LRRFIP2: variants seen among roughly 807,000 people sequenced by gnomAD.
The protein encoded by LRRFIP2 is leucine-rich repeat flightless-interacting protein 2.
A neutral mutation model predicts 125.9 loss-of-function variants in LRRFIP2; 109 were observed. The observed-to-expected ratio is 0.87, with a 90% CI of 0.74 to 1.01. LRRFIP2 has a LOEUF of 1.01. LRRFIP2 is among the 50% of genes least tolerant of loss of function. The pLI is 0.00. For synonymous variants in LRRFIP2, 291 were observed against 293.1 expected (o/e 0.99, Z 0.07); for missense variants, 850 against 862.3 (o/e 0.99, Z 0.18).
chr3:37,168,218 A>G (rs2096536570), intron 1 of LRRFIP2, among the ~76,000 whole-genome samples: 1 of 152,220 alleles, frequency 6.6e-6, no homozygotes, highest in Non-Finnish European at 1.5e-5. Context: ...GTGGCACTCA[A>G]ACAGACATTT....
At chr3:37,152,366 G>A (rs1362405716) in intron 1 of LRRFIP2, among the ~76,000 whole-genome samples, 1 of 152,082 alleles carries the variant, frequency 6.6e-6, no homozygotes, top group East Asian at 1.9e-4. Context: ...GGTGACAGGT[G>A]CACTAAAATC....
chr3:37,111,487 A>C (rs2094542207), intron 8 of LRRFIP2, among the ~76,000 whole-genome samples: 1 of 152,242 alleles, frequency 6.6e-6, no homozygotes. Flanking sequence ...TGACAAATTA[A>C]GTTACCAAAA....
chr3:37,131,546 A>G (rs180856132), intron 2 of LRRFIP2, among the ~76,000 whole-genome samples: 1 of 152,318 alleles, frequency 6.6e-6, no homozygotes, highest in African/African-American at 2.4e-5. Flanking sequence ...TGCTTTCTAT[A>G]TGGTAGTGGA....
intron 1 of LRRFIP2, among the ~76,000 whole-genome samples, chr3:37,155,928 G>A (rs1017457510): frequency 2.0e-5 from 3 of 152,142 alleles, no homozygotes; most frequent in African/African-American, 7.2e-5. Flanking sequence ...AGGCTGGAGT[G>A]CAATAGTGCG....
intron 19 of LRRFIP2, among the ~76,000 whole-genome samples, chr3:37,076,047 A>G (rs567304734): frequency 2.0e-5 from 3 of 152,304 alleles, no homozygotes; most frequent in African/African-American, 7.2e-5. Context: ...ACAAATTCCA[A>G]ATCAATCAGA....
chr3:37,101,595 G>A (rs939943113), intron 15 of LRRFIP2, among the ~76,000 whole-genome samples: 2 of 150,048 alleles, frequency 1.3e-5, no homozygotes, highest in Non-Finnish European at 3.0e-5. Context: ...AGCCCAGGAG[G>A]TTGAAGTTGC....
chr3:37,076,725 G>C (rs1285081414), intron 19 of LRRFIP2, among the ~76,000 whole-genome samples: 1 of 151,984 alleles, frequency 6.6e-6, no homozygotes, highest in East Asian at 1.9e-4. Context: ...AATTAGTCAG[G>C]CGTGGTGGTG....
intron 18 of LRRFIP2, among the ~76,000 whole-genome samples, chr3:37,090,476 C>T (rs1458518159): frequency 6.6e-6 from 1 of 152,164 alleles, no homozygotes; most frequent in Non-Finnish European, 1.5e-5. Flanking sequence ...GTCATCCGCC[C>T]ACCTCGGCCT....
rs373256626 is a variant in LRRFIP2 at position 37,101,713 on chromosome 3, C to T, written c.873+1211G>A. Reference sequence around the variant, plus strand: ...GAAGAAGAAGAAAGAAAGAAAAATGCCACCTCTCACCCCCTCCAAAGTGCT... The same window carrying T: ...GAAGAAGAAGAAAGAAAGAAAAATGTCACCTCTCACCCCCTCCAAAGTGCT... On this transcript the variant is annotated intron_variant, in intron 15 of 27. Transcript: ENST00000336686. Among the ~76,000 whole-genome samples the T allele has an allele frequency of 4.4e-4, 66 of 150,872 alleles. No homozygotes were observed. In the South Asian group the frequency reaches 0.012, roughly 27 times the overall value.
At chr3:37,080,528 C>A (rs1186615165) in intron 19 of LRRFIP2, among the ~76,000 whole-genome samples, 1 of 152,078 alleles carries the variant, frequency 6.6e-6, no homozygotes, top group Non-Finnish European at 1.5e-5. Flanking sequence ...ACACATACAG[C>A]CTAACAGTCA....
chr3:37,147,717 A>C (rs1237505110), intron 2 of LRRFIP2, among the ~76,000 whole-genome samples: 2 of 152,222 alleles, frequency 1.3e-5, no homozygotes, highest in Non-Finnish European at 2.9e-5. Context: ...TTCTCACCAA[A>C]AGAATATAAT....
intron 3 of LRRFIP2, 81 bp downstream of exon 3, chr3:37,128,982 C>A: frequency 8.0e-7 from 1 of 1,248,078 alleles, no homozygotes; most frequent in South Asian, 1.2e-5. Flanking sequence ...CAAAGGAAAC[C>A]AGATTCACAT....
At chr3:37,100,859 G>A (rs2093999482) in intron 15 of LRRFIP2, among the ~76,000 whole-genome samples, 1 of 152,118 alleles carries the variant, frequency 6.6e-6, no homozygotes, top group Non-Finnish European at 1.5e-5. Context: ...TTTGTATGCA[G>A]AGAGAGTTAT....
chr3:37,149,806 G>A (rs2095965298), intron 1 of LRRFIP2, among the ~76,000 whole-genome samples: 1 of 151,648 alleles, frequency 6.6e-6, no homozygotes, highest in East Asian at 1.9e-4. Context: ...TTCGAGACCA[G>A]CCTGGCCAAC....
intron 10 of LRRFIP2, 28 bp from the exon 11 acceptor site, chr3:37,109,599 C>A: frequency 6.2e-7 from 1 of 1,613,644 alleles, no homozygotes; most frequent in East Asian, 2.2e-5. Context: ...TATTAAACCC[C>A]AAAAAAAGCA....
At chr3:37,152,686 G>A (rs950575151) in intron 1 of LRRFIP2, among the ~76,000 whole-genome samples, 2 of 152,046 alleles carry the variant, frequency 1.3e-5, no homozygotes, top group East Asian at 1.9e-4. Flanking sequence ...CAGGTGATCC[G>A]CCCGCCTCAG....
intron 19 of LRRFIP2, among the ~76,000 whole-genome samples, chr3:37,077,536 T>C (rs955846102): frequency 1.3e-5 from 2 of 152,168 alleles, no homozygotes; most frequent in African/African-American, 4.8e-5. Context: ...GGCTACCTAA[T>C]TTATCTTCTT....
In LRRFIP2 at chr3:37,133,769, C is replaced by A. The variant is rs139058498; in HGVS notation, c.91-4620G>T. ...GGATGTAATGCCACTAAACTATATA[C>A]TTAAATATAGTTACCATGATAAATT... is the stretch of plus-strand genomic sequence containing the variant. On this transcript the variant is annotated intron_variant, in intron 2 of 27. Transcript: ENST00000336686. 8.5e-5 allele frequency among the ~76,000 whole-genome samples: 13 copies of A among 152,240 alleles called. No individual in the cohort carries two copies. The East Asian group carries it at 2.3e-3, about 27-fold the overall frequency.
chr3:37,102,857 C>A, intron 15 of LRRFIP2, 67 bp downstream of exon 15: 2 of 1,020,700 alleles, frequency 2.0e-6, no homozygotes, highest in Non-Finnish European at 1.4e-6. Flanking sequence ...TATAAAATAG[C>A]TAACATATTA....
Sources: allele counts gnomAD v4.1 joint callset (sites outside exome capture counted in the v4.1 genomes callset), GRCh38; gene constraint gnomAD v4.1.1; transcripts MANE v1.5; gene names NCBI Gene and HGNC (gene_info 2026-07-23, HGNC 2026-07-21).